PATJ: variants seen among roughly 807,000 people sequenced by gnomAD.
PATJ encodes PATJ crumbs cell polarity complex component, also known as inaD-like protein.
A neutral mutation model predicts 224.9 loss-of-function variants in PATJ; 190 were observed. That is an observed-to-expected ratio of 0.84 (90% CI 0.75 to 0.95). PATJ has a LOEUF of 0.95. Among genes scored for constraint, PATJ ranks in the 40% least tolerant of loss-of-function variants. PATJ has a pLI of 0.00. For missense variants in PATJ, 2,121 were observed against 2,270.3 expected (o/e 0.93, Z 1.34); for synonymous variants, 769 against 820.3 (o/e 0.94, Z 1.07).
At chr1:62,044,785 C>T (rs11581307) in intron 30 of PATJ, among the ~76,000 whole-genome samples, 51,615 of 151,966 alleles carry the variant, frequency 0.34, 9,662 homozygotes, top group Middle Eastern at 0.49. Flanking sequence ...AATAAGCTCA[C>T]GTTTGGGGTT....
At chr1:61,942,808 T>A (rs1253019081) in intron 27 of PATJ, among the ~76,000 whole-genome samples, 1 of 152,120 alleles carries the variant, frequency 6.6e-6, no homozygotes, top group Non-Finnish European at 1.5e-5. Flanking sequence ...CTCAGCCTCC[T>A]AAAGTGCTAG....
chr1:62,035,697 G>A (rs1209518374), intron 29 of PATJ, among the ~76,000 whole-genome samples: 3 of 151,580 alleles, frequency 2.0e-5, no homozygotes, highest in African/African-American at 7.3e-5. Context: ...TAGGGAGTAG[G>A]ACGGACATGA....
chr1:62,067,951 C>T (rs1374472683), intron 31 of PATJ, among the ~76,000 whole-genome samples: 4 of 152,164 alleles, frequency 2.6e-5, no homozygotes, highest in Admixed American at 2.0e-4. Flanking sequence ...CAGGTGTGCA[C>T]CACCATGGCT....
chr1:61,914,568 C>G lies in PATJ; in HGVS notation c.3493-19C>G. On this transcript the variant is annotated intron_variant, in intron 25 of 43. Transcript: ENST00000642238. Reference sequence around the variant, plus strand: ...GTTTAAACGTTTTCTTCCCCCCACCCCTTTTTTTGTCACCATAGGTCATTC... The same window carrying G: ...GTTTAAACGTTTTCTTCCCCCCACCGCTTTTTTTGTCACCATAGGTCATTC... 8.0e-7 allele frequency: 1 copy of G among 1,244,158 alleles called. No individual in the cohort carries two copies. Among genetic ancestry groups the G allele is most frequent in the South Asian group, 1.4e-5 (1 of 73,216 alleles). 77.1% of individuals were successfully genotyped at this position (1,244,158 alleles called of 1,614,324 possible).
intron 25 of PATJ, among the ~76,000 whole-genome samples, chr1:61,910,116 G>A (rs1180935512): frequency 2.0e-5 from 3 of 152,178 alleles, no homozygotes; most frequent in African/African-American, 7.2e-5. Flanking sequence ...TGGAAACCTA[G>A]TTCAACAGGA....
intron 20 of PATJ, chr1:61,865,211 T>TTC (rs1665214519): frequency 6.8e-6 from 1 of 146,998 alleles, no homozygotes; most frequent in Non-Finnish European, 1.5e-5. Context: ...AAATTTTCTT[T>TTC]TCTCTTTTTT....
chr1:61,806,878 G>A (rs1653679077), intron 13 of PATJ, among the ~76,000 whole-genome samples: 1 of 152,050 alleles, frequency 6.6e-6, no homozygotes, highest in Non-Finnish European at 1.5e-5. Context: ...TAGGCCGGGT[G>A]GAGTAGCTCA....
intron 18 of PATJ, among the ~76,000 whole-genome samples, chr1:61,860,956 T>C (rs1664443133): frequency 6.6e-6 from 1 of 151,990 alleles, no homozygotes. Context: ...GTGTCCACTT[T>C]TGCTCACCAG....
intron 31 of PATJ, among the ~76,000 whole-genome samples, chr1:62,064,733 C>T (rs1387552666): frequency 6.6e-6 from 1 of 152,186 alleles, no homozygotes; most frequent in Non-Finnish European, 1.5e-5. Flanking sequence ...GGCTAGAATT[C>T]CCAGGTGTTA....
Position 62,162,904 on chromosome 1 carries a change from G to C in PATJ, c.*1850G>C. On this transcript the variant is annotated 3_prime_UTR_variant, in exon 44 of 44. Transcript: ENST00000642238. ...GGAGGTTGCAGTGAGCCAAGTTCGT[G>C]CCACTCCACTCCAGCCTGGGTGACA... 1 of 359,522 alleles carries C rather than the reference G, an allele frequency of 2.8e-6. No individual in the cohort carries two copies. The highest frequency in any genetic ancestry group is 2.1e-5 in the South Asian group (1 of 48,514). The allele number at this position is 359,522 out of a possible 1,614,324, so 22.3% of individuals were successfully genotyped here.
At chr1:61,808,596 G>A (rs1444736884) in intron 14 of PATJ, 66 bp downstream of exon 14, 3 of 995,446 alleles carry the variant, frequency 3.0e-6, no homozygotes, top group East Asian at 2.5e-5. Context: ...TCACTATGTT[G>A]TCCAGGTTGG....
chr1:61,814,130 C>CTTT (rs762502160), intron 14 of PATJ, among the ~76,000 whole-genome samples: 3,826 of 85,774 alleles, frequency 0.045, 325 homozygotes, highest in African/African-American at 0.12. Flanking sequence ...TTATTCTCTT[C>CTTT]TTTTTTTTTT....
chr1:62,003,716 C>T (rs1401301592), intron 28 of PATJ, among the ~76,000 whole-genome samples: 2 of 152,064 alleles, frequency 1.3e-5, no homozygotes, highest in Non-Finnish European at 2.9e-5. Context: ...TGTGTTTCAC[C>T]TGAGTTTCAG....
chr1:61,940,543 C>T (rs573291257), intron 27 of PATJ, among the ~76,000 whole-genome samples: 12 of 151,826 alleles, frequency 7.9e-5, no homozygotes, highest in Non-Finnish European at 1.6e-4. Context: ...GGTGAAACTC[C>T]ATTTCTACTA....
At position 61,796,675 on chromosome 1, in the gene PATJ, T is replaced by TTTCTTTCTTTCTTTCTTTC. The variant is rs1557660395; in HGVS notation, c.1261-609_1261-591dup. On this transcript the variant is annotated intron_variant, in intron 10 of 43. Coordinates refer to ENST00000642238, the MANE Select transcript of PATJ (RefSeq NM_001350145.3). ...TAAATTTATTTTCTTTCTTTCTTTC[T>TTTCTTTCTTTCTTTCTTTC]TTCTTTCTTTCTTTCTTTCTTTCTT... 1.5e-3 allele frequency among the ~76,000 whole-genome samples: 40 copies of TTTCTTTCTTTCTTTCTTTC among 27,504 alleles called. 1 individual carries two copies. Among genetic ancestry groups the TTTCTTTCTTTCTTTCTTTC allele is most frequent in the African/African-American group, 2.8e-3 (36 of 12,710 alleles). The allele number at this position is 27,504 out of a possible 152,430, so 18.0% of individuals were successfully genotyped here. A position where few individuals can be genotyped will look rare whatever the true frequency, so the allele number is the denominator to read the frequency against.
intron 27 of PATJ, among the ~76,000 whole-genome samples, chr1:61,955,161 A>T (rs1351379437): frequency 6.6e-6 from 1 of 151,556 alleles, no homozygotes; most frequent in East Asian, 1.9e-4. Context: ...AGATAGTAAA[A>T]CTCTTTTTAT....
At chr1:62,050,195 G>T (rs2498983) in intron 30 of PATJ, among the ~76,000 whole-genome samples, 2,119 of 144,912 alleles carry the variant, frequency 0.015, 57 homozygotes, top group African/African-American at 0.05. Context: ...ATAAATAAAA[G>T]AAATCAACAA....
intron 33 of PATJ, among the ~76,000 whole-genome samples, chr1:62,106,294 A>AC (rs1234828978): frequency 7.0e-6 from 1 of 142,666 alleles, no homozygotes; most frequent in African/African-American, 2.6e-5. Flanking sequence ...ACATAGTGAG[A>AC]CCCCCATCTC....
chr1:62,135,184 G>A (rs1666694874), intron 41 of PATJ, among the ~76,000 whole-genome samples: 1 of 152,014 alleles, frequency 6.6e-6, no homozygotes, highest in Non-Finnish European at 1.5e-5. Flanking sequence ...GCAGCCAGGG[G>A]TAAGAAAAGT....
Sources: gnomAD v4.1 joint callset for allele counts (sites outside exome capture counted in the v4.1 genomes callset) on GRCh38, gnomAD v4.1.1 for gene constraint, MANE v1.5 for transcripts, NCBI Gene and HGNC (gene_info 2026-07-23, HGNC 2026-07-21) for gene names.